The following SENP6 variants were observed in gnomAD, a reference collection of about 807,000 sequenced individuals.
SENP6 encodes SUMO specific peptidase 6.
A neutral mutation model predicts 134.5 loss-of-function variants in SENP6; 41 were observed. The observed-to-expected ratio is 0.30, with a 90% CI of 0.24 to 0.40. The LOEUF (loss-of-function observed/expected upper bound fraction) is 0.40. Ranked by LOEUF, SENP6 falls within the 10% of genes least tolerant of loss-of-function variation. SENP6 has a pLI of 1.00. For synonymous variants in SENP6, 395 were observed against 429.8 expected (o/e 0.92, Z 1.00); for missense variants, 1,248 against 1,312.5 (o/e 0.95, Z 0.76).
chr6:75,688,893 C>T (rs1031031054), intron 16 of SENP6, among the ~76,000 whole-genome samples: 3 of 152,158 alleles, frequency 2.0e-5, no homozygotes, highest in Non-Finnish European at 2.9e-5. Flanking sequence ...ATGGAGAAAC[C>T]CCAACTCTAC....
Position 75,717,931 on chromosome 6 carries a change from C to T in SENP6, c.*2337C>T, listed in dbSNP as rs1228968844. On this transcript the variant is annotated 3_prime_UTR_variant, in exon 24 of 24. Coordinates refer to ENST00000447266, the MANE Select transcript of SENP6 (RefSeq NM_015571.4). ...TTTAGGAGCAGAAGTGGTGTTTAGT[C>T]CCTTCCCGTTAATGTTGCTGTGCTA... The T allele has an allele frequency of 6.6e-6, 1 of 152,072 alleles. No homozygotes were observed. The highest frequency in any genetic ancestry group is 6.5e-5 in the Admixed American group (1 of 15,268). The allele number at this position is 152,072 out of a possible 1,614,324, so 9.4% of individuals were successfully genotyped here. A position where few individuals can be genotyped will look rare whatever the true frequency, so the allele number is the denominator to read the frequency against.
intron 18 of SENP6, chr6:75,697,718 A>G (rs762879310): frequency 6.7e-5 from 32 of 476,086 alleles, no homozygotes; most frequent in Non-Finnish European, 1.1e-4. Flanking sequence ...TTTAGAGACA[A>G]TAGACCAGAT....
At chr6:75,646,170 A>C (rs1003532404) in intron 6 of SENP6, among the ~76,000 whole-genome samples, 1 of 152,208 alleles carries the variant, frequency 6.6e-6, no homozygotes, top group Non-Finnish European at 1.5e-5. Context: ...GAAAATATGC[A>C]TTTTATTTTA....
intron 1 of SENP6, among the ~76,000 whole-genome samples, chr6:75,609,039 T>C (rs1286829622): frequency 6.6e-6 from 1 of 152,214 alleles, no homozygotes; most frequent in Non-Finnish European, 1.5e-5. Context: ...TTTCATAAAT[T>C]GATTATTCCT....
intron 16 of SENP6, among the ~76,000 whole-genome samples, chr6:75,691,209 C>A (rs79570528): frequency 6.6e-5 from 10 of 151,194 alleles, no homozygotes; most frequent in Non-Finnish European, 1.2e-4. Flanking sequence ...GTGACGCAAT[C>A]ACGACTCACT....
rs376443438 is a variant in SENP6 at position 75,713,909 on chromosome 6, A to C, written c.3129+84A>C. ...ACCTTAGTAAAAAACACAATAAGCA[A>C]ATATTTTAAAGAGTTTCAAAATTAT... On this transcript the variant is annotated intron_variant, in intron 23 of 23. Transcript: ENST00000447266. 4.0e-5 allele frequency: 42 copies of C among 1,051,434 alleles called. No homozygotes were observed. In the South Asian group the frequency reaches 4.7e-4, roughly 12 times the overall value. The allele number at this position is 1,051,434 out of a possible 1,614,324, so 65.1% of individuals were successfully genotyped here.
In SENP6 at chr6:75,602,153, C is replaced by T; in HGVS notation, c.-372C>T. ...TGTTTGTGTGCTCGCTTTCATTCTCCTTTCTTGGGAACCCACGGCTGGGGG... is the reference window on the plus strand; with the variant it reads ...TGTTTGTGTGCTCGCTTTCATTCTCTTTTCTTGGGAACCCACGGCTGGGGG... On this transcript the variant is annotated 5_prime_UTR_variant, in exon 1 of 24. Coordinates refer to ENST00000447266, the MANE Select transcript of SENP6 (RefSeq NM_015571.4). 1 of 202,682 alleles carries T rather than the reference C, an allele frequency of 4.9e-6. No individual in the cohort carries two copies. Among genetic ancestry groups the T allele is most frequent in the African/African-American group, 2.3e-5 (1 of 43,256 alleles). 12.6% of individuals were successfully genotyped at this position (202,682 alleles called of 1,614,324 possible).
chr6:75,605,015 G>A (rs1434874379), intron 1 of SENP6, among the ~76,000 whole-genome samples: 1 of 152,148 alleles, frequency 6.6e-6, no homozygotes, highest in Non-Finnish European at 1.5e-5. Context: ...GGAGGTTGCA[G>A]TGAGCCGAGA....
intron 1 of SENP6, among the ~76,000 whole-genome samples, chr6:75,603,467 C>T (rs937583780): frequency 6.6e-6 from 1 of 152,162 alleles, no homozygotes; most frequent in Non-Finnish European, 1.5e-5. Context: ...CTCTGCTGCT[C>T]AGAGACTCAT....
At chr6:75,705,561 T>TAAA (rs1465207094) in intron 19 of SENP6, among the ~76,000 whole-genome samples, 2 of 138,590 alleles carry the variant, frequency 1.4e-5, no homozygotes, top group African/African-American at 5.2e-5. Context: ...AATAAATAAA[T>TAAA]TAATTAATTA....
chr6:75,695,166 G>A (rs1222368416), intron 16 of SENP6, among the ~76,000 whole-genome samples: 4 of 152,082 alleles, frequency 2.6e-5, no homozygotes, highest in South Asian at 2.1e-4. Flanking sequence ...ATGAGCCACC[G>A]TGTGCAGCCT....
rs1046230518 is a variant in SENP6 at position 75,663,654 on chromosome 6, G to A, written c.994+136G>A. 1.3e-5 allele frequency: 9 copies of A among 682,404 alleles called. No individual in the cohort carries two copies. The South Asian group carries it at 1.6e-4, about 12-fold the overall frequency. 42.3% of individuals were successfully genotyped at this position (682,404 alleles called of 1,614,324 possible). A position where few individuals can be genotyped will look rare whatever the true frequency, so the allele number is the denominator to read the frequency against. On this transcript the variant is annotated intron_variant, in intron 9 of 23. Transcript: ENST00000447266. ...TTAAAACTAATCTTGTTCTCATCCT[G>A]TCCATCTTAAATAGTTAAAAAAAAC... is the stretch of plus-strand genomic sequence containing the variant.
At chr6:75,669,577 C>G (rs1225485743) in intron 10 of SENP6, among the ~76,000 whole-genome samples, 1 of 151,792 alleles carries the variant, frequency 6.6e-6, no homozygotes, top group Middle Eastern at 3.4e-3. Flanking sequence ...AATAAAGATA[C>G]TAATATAATT....
chr6:75,645,316 G>T (rs893439694), intron 6 of SENP6, among the ~76,000 whole-genome samples: 2 of 152,166 alleles, frequency 1.3e-5, no homozygotes, highest in African/African-American at 4.8e-5. Context: ...CTCAAATTAA[G>T]AAATTAATGT....
At chr6:75,607,891 ACTGT>A (rs1426055076) in intron 1 of SENP6, among the ~76,000 whole-genome samples, 22 of 149,880 alleles carry the variant, frequency 1.5e-4, no homozygotes, top group African/African-American at 4.9e-4. Flanking sequence ...AATACCTAAC[ACTGT>A]CTGTTGAACT....
chr6:75,644,197 TCA>T (rs1561999023), intron 6 of SENP6: 1 of 151,126 alleles, frequency 6.6e-6, no homozygotes, highest in African/African-American at 2.4e-5. Context: ...GTATGTTTTA[TCA>T]CAGTAAAAAA....
At chr6:75,633,402 A>G (rs530454402) in intron 3 of SENP6, among the ~76,000 whole-genome samples, 179 bp from the exon 4 acceptor site, 1 of 152,200 alleles carries the variant, frequency 6.6e-6, no homozygotes, top group Admixed American at 6.5e-5. Flanking sequence ...ACAAATTTGC[A>G]TTGTCTTTAG....
intron 16 of SENP6, among the ~76,000 whole-genome samples, chr6:75,690,833 C>T (rs1401288853): frequency 6.6e-6 from 1 of 151,536 alleles, no homozygotes; most frequent in Non-Finnish European, 1.5e-5. Flanking sequence ...GTAGCTGGGA[C>T]TACAGGCGCT....
At chr6:75,676,154 G>T in intron 13 of SENP6, 100 bp downstream of exon 13, 1 of 674,976 alleles carries the variant, frequency 1.5e-6, no homozygotes, top group East Asian at 3.1e-5. Context: ...AGATGCCTTA[G>T]GTGTATATTA....
Sources: gnomAD v4.1 joint callset for allele counts (sites outside exome capture counted in the v4.1 genomes callset) on GRCh38, gnomAD v4.1.1 for gene constraint, MANE v1.5 for transcripts, NCBI Gene and HGNC (gene_info 2026-07-23, HGNC 2026-07-21) for gene names.